SYNM: variants seen among roughly 807,000 people sequenced by gnomAD.
SYNM encodes desmuslin.
Under a neutral mutation model 104.0 loss-of-function variants are expected in SYNM, and 95 were observed. The ratio of observed to expected loss-of-function variants is 0.91; its 90% CI spans 0.77 to 1.08. The LOEUF (loss-of-function observed/expected upper bound fraction) is 1.08. SYNM is among the 50% of genes least tolerant of loss of function. SYNM has a pLI of 0.00. For synonymous variants in SYNM, 918 were observed against 869.0 expected, an observed-to-expected ratio of 1.06 and a Z score of -0.99; for missense variants, 2,150 against 2,052.2, an observed-to-expected ratio of 1.05 and a Z score of -0.92.
chr15:99,131,882 C>G lies in SYNM; in HGVS notation c.3522C>G (p.Val1174=), dbSNP rs782797288. ...GAGCCAGCCGGTCTGTGAGGCATGT[C>G]ACGCTGGGTCCCGGTCAAAGTCCAC... ...PTGASRSVRH[V]TLGPGQSPLS... The change falls in exon 4 of 4, where the codon GTC becomes GTG. Residue 1174 remains valine, a synonymous_variant. Transcript: ENST00000336292. The surrounding 1 kb of genome is among the most constrained non-coding windows in gnomAD (Gnocchi z 4.3). 3.1e-6 allele frequency: 5 copies of G among 1,613,962 alleles called. No individual in the cohort carries two copies. In the South Asian group the frequency reaches 5.5e-5, roughly 18 times the overall value.
downstream of SYNM, among the ~76,000 whole-genome samples, chr15:99,138,503 G>A (rs943399621): frequency 6.6e-6 from 1 of 152,198 alleles, no homozygotes; most frequent in African/African-American, 2.4e-5. Flanking sequence ...TAGTAGAGAC[G>A]AAGTTTTGCC....
At chr15:99,106,283 A>T (rs1301171029) in intron 1 of SYNM, among the ~76,000 whole-genome samples, 1 of 152,172 alleles carries the variant, frequency 6.6e-6, no homozygotes, top group Non-Finnish European at 1.5e-5. Context: ...GACAAGCGTG[A>T]CTGGGCGCAT....
rs551146279 is a variant in SYNM, at chr15:99,128,881, G to A, written c.1007-486G>A. 26 of 155,942 alleles carry A rather than the reference G, an allele frequency of 1.7e-4. No homozygotes were observed. In the Middle Eastern group the frequency reaches 0.02, roughly 122 times the overall value. 9.7% of individuals were successfully genotyped at this position (155,942 alleles called of 1,614,324 possible). A position where few individuals can be genotyped will look rare whatever the true frequency, so the allele number is the denominator to read the frequency against. ...ACTTGTTGGCCCAATATGGAAATCA[G>A]TGAAACAGAAGAGTATATTAAATAG... On this transcript the variant is annotated intron_variant, in intron 3 of 3. Coordinates refer to ENST00000336292, the MANE Select transcript of SYNM (RefSeq NM_145728.3).
At chr15:99,138,151 T>C (rs1555488164), downstream of SYNM, 1 of 1,610,634 alleles carries the variant, frequency 6.2e-7, no homozygotes. Flanking sequence ...GAGGGTGGGG[T>C]GAGTGTGGTG....
At chr15:99,125,493 C>T (rs2067438516) in intron 2 of SYNM, among the ~76,000 whole-genome samples, 1 of 152,258 alleles carries the variant, frequency 6.6e-6, no homozygotes, top group Admixed American at 6.5e-5. Flanking sequence ...AGTCACTGCG[C>T]CGGGGCAGGC....
intron 1 of SYNM, among the ~76,000 whole-genome samples, chr15:99,110,352 G>A (rs554460591): frequency 1.7e-4 from 26 of 152,288 alleles, no homozygotes; most frequent in African/African-American, 5.3e-4. Context: ...GCTTTACTGC[G>A]GGGCATTGGT....
chr15:99,123,413 TC>T (rs1213429118), intron 2 of SYNM, among the ~76,000 whole-genome samples: 9 of 151,244 alleles, frequency 6.0e-5, no homozygotes, highest in Admixed American at 5.3e-4. Flanking sequence ...CCACGTTACC[TC>T]CTGTTATCCT....
In SYNM at chr15:99,117,119, G is replaced by A. The variant is rs992693484; in HGVS notation, c.935+3404G>A. ...TTCCTCTAGGCCCCACCTTCAACAC[G>A]GAGGTCACATTTCAACATGAGATTA... On this transcript the variant is annotated intron_variant, in intron 2 of 3. Coordinates refer to ENST00000336292, the MANE Select transcript of SYNM (RefSeq NM_145728.3). Among the ~76,000 whole-genome samples the A allele has an allele frequency of 7.5e-5, 8 of 106,078 alleles. 1 individual carries two copies. Among genetic ancestry groups the A allele is most frequent in the African/African-American group, 2.3e-4 (8 of 34,370 alleles). 69.6% of individuals were successfully genotyped at this position (106,078 alleles called of 152,430 possible).
At position 99,129,969 on chromosome 15, in the gene SYNM, C is replaced by G; in HGVS notation, c.1609C>G (p.Leu537Val). The change falls in exon 4 of 4, where the codon CTA becomes GTA. Residue 537 changes from leucine (L) to valine (V), a missense_variant. Transcript: ENST00000336292. ...AGAGAAGGCTTCCGAGGAGAGAAAC[C>G]TAAGATGGGAAGAATTGACAAAGTT... Reference protein sequence around the residue: ...SKEKASEERNLRWEELTKLDK... With the variant: ...SKEKASEERNVRWEELTKLDK... 1 of 1,612,034 alleles carries G rather than the reference C, an allele frequency of 6.2e-7. No individual in the cohort carries two copies. The highest frequency in any genetic ancestry group is 8.5e-7 in the Non-Finnish European group (1 of 1,178,958).
At chr15:99,124,441 G>A (rs906759) in intron 2 of SYNM, among the ~76,000 whole-genome samples, 1 of 151,832 alleles carries the variant, frequency 6.6e-6, no homozygotes, top group African/African-American at 2.4e-5. Flanking sequence ...GACATGTGTC[G>A]CTGCCTGCTA....
chr15:99,109,684 C>T (rs1224426602), intron 1 of SYNM, among the ~76,000 whole-genome samples: 1 of 152,166 alleles, frequency 6.6e-6, no homozygotes, highest in Non-Finnish European at 1.5e-5. Flanking sequence ...AGCTAACAGC[C>T]GTTGAGCATT....
At chr15:99,139,157 A>G (rs2067911176), downstream of SYNM, 1 of 845,770 alleles carries the variant, frequency 1.2e-6, no homozygotes, top group Non-Finnish European at 1.9e-6. Context: ...AAGATCTTTT[A>G]CAACTCGGGT....
chr15:99,119,096 C>T (rs1319253354), intron 2 of SYNM, among the ~76,000 whole-genome samples: 1 of 152,172 alleles, frequency 6.6e-6, no homozygotes, highest in African/African-American at 2.4e-5. Context: ...CGTTTTATTG[C>T]ACTAGCAGCA....
At chr15:99,112,660 C>A (rs568032041) in intron 1 of SYNM, among the ~76,000 whole-genome samples, 1 of 152,202 alleles carries the variant, frequency 6.6e-6, no homozygotes, top group Non-Finnish European at 1.5e-5. Flanking sequence ...GCACCCAGGA[C>A]GCCCTTACTA....
At chr15:99,140,368 A>C (rs1453169494), downstream of SYNM, 16 of 150,824 alleles carry the variant, frequency 1.1e-4, no homozygotes, top group Admixed American at 1.0e-3. Context: ...ATACTGGAAA[A>C]TATATATATA....
chr15:99,134,189 G>C lies in SYNM; in HGVS notation c.*1131G>C, dbSNP rs1239485280. On this transcript the variant is annotated 3_prime_UTR_variant, in exon 4 of 4. Coordinates refer to ENST00000336292, the MANE Select transcript of SYNM (RefSeq NM_145728.3). Reference sequence around the variant, plus strand: ...GAAGTCATTGCAGTTGGGGTGTTTTGTCCAGGGAAACAGTTTATTAAATAG... The same window carrying C: ...GAAGTCATTGCAGTTGGGGTGTTTTCTCCAGGGAAACAGTTTATTAAATAG... The C allele has an allele frequency of 6.6e-6, 1 of 151,962 alleles. No individual in the cohort carries two copies. The highest frequency in any genetic ancestry group is 1.5e-5 in the Non-Finnish European group (1 of 67,998). 9.4% of individuals were successfully genotyped at this position (151,962 alleles called of 1,614,324 possible).
At chr15:99,138,475 A>G (rs1214426679), downstream of SYNM, among the ~76,000 whole-genome samples, 1 of 152,046 alleles carries the variant, frequency 6.6e-6, no homozygotes, top group Non-Finnish European at 1.5e-5. Flanking sequence ...CACCACGCCC[A>G]GCTAATTTTT....
Position 99,133,139 on chromosome 15 carries a change from G to C in SYNM, c.*81G>C, listed in dbSNP as rs368922366. 4.5e-6 allele frequency: 7 copies of C among 1,557,880 alleles called. No homozygotes were observed. The East Asian group carries it at 1.4e-4, about 31-fold the overall frequency. ...AGGCCTTAACTTATTTTAAGAGGCC[G>C]AGGGAGTCTATGAAAATCTCCCCTT... On this transcript the variant is annotated 3_prime_UTR_variant, in exon 4 of 4. Transcript: ENST00000336292.
intron 1 of SYNM, among the ~76,000 whole-genome samples, chr15:99,110,049 G>A (rs1171882580): frequency 1.3e-5 from 2 of 152,194 alleles, no homozygotes; most frequent in Admixed American, 1.3e-4. Context: ...CAGGCAGGAA[G>A]TGCTCGAGGC....
Sources: allele counts gnomAD v4.1 joint callset (sites outside exome capture counted in the v4.1 genomes callset), GRCh38; gene constraint gnomAD v4.1.1; non-coding constraint Gnocchi (gnomAD v3.1); transcripts MANE v1.5; gene names NCBI Gene and HGNC (gene_info 2026-07-23, HGNC 2026-07-21).